Variants in PCSK5 observed in about 807,000 individuals in gnomAD.
The protein encoded by PCSK5 is prohormone convertase 5.
Under a neutral mutation model 233.2 loss-of-function variants are expected in PCSK5, and 129 were observed. That is an observed-to-expected ratio of 0.55 (90% CI 0.48 to 0.64). PCSK5 has a LOEUF of 0.64. PCSK5 is among the 30% of genes least tolerant of loss of function. The pLI, the probability that PCSK5 is intolerant of heterozygous loss-of-function variation, is 0.00. For synonymous variants in PCSK5, 825 were observed against 879.2 expected (o/e 0.94, Z 1.09); for missense variants, 2,076 against 2,430.1 (o/e 0.85, Z 3.06).
intron 3 of PCSK5, among the ~76,000 whole-genome samples, chr9:75,996,753 A>T (rs548809918): frequency 1.3e-5 from 2 of 151,988 alleles, no homozygotes; most frequent in East Asian, 3.9e-4. Flanking sequence ...AAGAGTAAAA[A>T]ATGTGTGAGT....
At chr9:76,295,148 C>T (rs1828396890) in intron 25 of PCSK5, 127 bp from the exon 26 acceptor site, 1 of 806,918 alleles carries the variant, frequency 1.2e-6, no homozygotes, top group Non-Finnish European at 1.9e-6. Context: ...AGCAAAACTC[C>T]ATCTCAAACA....
At chr9:76,151,121 T>C (rs1258475274) in intron 10 of PCSK5, among the ~76,000 whole-genome samples, 1 of 152,032 alleles carries the variant, frequency 6.6e-6, no homozygotes, top group Non-Finnish European at 1.5e-5. Flanking sequence ...TCCTGCACAT[T>C]TGGCCTGGTT....
At chr9:76,073,124 G>T (rs1047133415) in intron 7 of PCSK5, among the ~76,000 whole-genome samples, 1 of 152,184 alleles carries the variant, frequency 6.6e-6, no homozygotes, top group African/African-American at 2.4e-5. Context: ...CAAATGATGC[G>T]AACCACAGGG....
intron 8 of PCSK5, among the ~76,000 whole-genome samples, chr9:76,103,817 G>A (rs1221823699): frequency 6.6e-6 from 1 of 152,182 alleles, no homozygotes; most frequent in African/African-American, 2.4e-5. Context: ...AGCAATCTGA[G>A]AAGTTCTTTG....
chr9:75,974,578 G>A (rs1344841755), intron 2 of PCSK5, among the ~76,000 whole-genome samples: 1 of 152,172 alleles, frequency 6.6e-6, no homozygotes, highest in Non-Finnish European at 1.5e-5. Flanking sequence ...TGGTGTTTAA[G>A]AGCTGCCACA....
intron 24 of PCSK5, among the ~76,000 whole-genome samples, chr9:76,262,222 A>G (rs908914110): frequency 1.3e-4 from 20 of 152,146 alleles, no homozygotes; most frequent in Non-Finnish European, 2.5e-4. Flanking sequence ...TATAGATTCA[A>G]TGCCATCCCC....
chr9:75,900,958 C>CA (rs1337219803), intron 1 of PCSK5, among the ~76,000 whole-genome samples: 1 of 151,924 alleles, frequency 6.6e-6, no homozygotes, highest in African/African-American at 2.4e-5. Flanking sequence ...ACACAGTGAG[C>CA]ACGTGGGCAG....
intron 5 of PCSK5, among the ~76,000 whole-genome samples, chr9:76,057,952 T>C (rs138246771): frequency 1.1e-3 from 158 of 147,650 alleles, no homozygotes; most frequent in African/African-American, 3.8e-3. Context: ...TCCTCCAGCC[T>C]CAGCCTTCTG....
Position 76,338,233 on chromosome 9 carries a change from T to G in PCSK5, c.4752T>G (p.Tyr1584Ter). The part of the protein sequence containing the change: ...KECLLQCREG[Y>*]YADNSTGRCE... ...TTTTCTTCTCCTTTGGTTTCAGATA[T>G]TACGCAGACAACTCCACTGGCCGGT... Residue 1584 changes from tyrosine (Y) to a stop codon, truncating the protein, a stop_gained, in exon 35 of 38, where the codon TAT becomes TAG. Coordinates refer to ENST00000674117, the MANE Select transcript of PCSK5 (RefSeq NM_001372043.1). LOFTEE classifies it high-confidence loss of function. 1 of 1,610,112 alleles carries G rather than the reference T, an allele frequency of 6.2e-7. No individual in the cohort carries two copies. Among genetic ancestry groups the G allele is most frequent in the Non-Finnish European group, 8.5e-7 (1 of 1,178,246 alleles).
At chr9:76,198,913 C>T (rs572409405) in intron 20 of PCSK5, among the ~76,000 whole-genome samples, 1 of 152,284 alleles carries the variant, frequency 6.6e-6, no homozygotes, top group East Asian at 1.9e-4. Context: ...GTTCCATGCC[C>T]TTGCACTACA....
In PCSK5 at chr9:76,233,461, AT is replaced by A. The variant is rs768410674; in HGVS notation, c.2736del (p.Phe912LeufsTer94). 1 of 1,612,698 alleles carries A rather than the reference AT, an allele frequency of 6.2e-7. No individual in the cohort carries two copies. Among genetic ancestry groups the A allele is most frequent in the African/African-American group, 1.3e-5 (1 of 75,034 alleles). On this transcript the variant is annotated frameshift_variant and splice_region_variant, in exon 22 of 38. Coordinates refer to ENST00000674117, the MANE Select transcript of PCSK5 (RefSeq NM_001372043.1). LOFTEE classifies it high-confidence loss of function. ...TCTAAAAGTCTGCTTTTCCTCTAGG[AT>A]TTTTGATGATGGCCGCTGTGTTTCG... ...EDCTTCPMTR[I>X]FDDGRCVSNC...
chr9:76,193,083 G>A (rs986346062), intron 20 of PCSK5, among the ~76,000 whole-genome samples: 1 of 151,282 alleles, frequency 6.6e-6, no homozygotes, highest in African/African-American at 2.4e-5. Context: ...AATCACTTTG[G>A]GTGGACCAAA....
At chr9:76,048,741 C>T (rs77721520) in intron 5 of PCSK5, among the ~76,000 whole-genome samples, 5,178 of 152,236 alleles carry the variant, frequency 0.034, 115 homozygotes, top group Middle Eastern at 0.085. Context: ...AACTGCCTGA[C>T]AAGTAAAAGA....
Position 76,273,755 on chromosome 9 carries a change from C to T in PCSK5, c.3143-18478C>T, listed in dbSNP as rs551885305. Among the ~76,000 whole-genome samples, 36 of 151,196 alleles carry T rather than the reference C, an allele frequency of 2.4e-4. No individual in the cohort carries two copies. In the South Asian group the frequency reaches 7.1e-3, roughly 30 times the overall value. Reference sequence around the variant, plus strand: ...TCTAGAGATCCTCTTGCCTCAGTCCCCCAAGTAGCTGGGATTACAGGTGCA... The same window carrying T: ...TCTAGAGATCCTCTTGCCTCAGTCCTCCAAGTAGCTGGGATTACAGGTGCA... On this transcript the variant is annotated intron_variant, in intron 24 of 37. Transcript: ENST00000674117.
At chr9:76,014,698 T>C (rs1827871630) in intron 3 of PCSK5, among the ~76,000 whole-genome samples, 2 of 152,126 alleles carry the variant, frequency 1.3e-5, no homozygotes, top group South Asian at 4.2e-4. Context: ...GCCAGGAGGA[T>C]TGAACTTTGG....
chr9:76,242,564 A>G (rs915874824), intron 24 of PCSK5, among the ~76,000 whole-genome samples: 6 of 152,242 alleles, frequency 3.9e-5, no homozygotes, highest in Admixed American at 1.3e-4. Context: ...CATAAATAAT[A>G]AAAGTACTGA....
At chr9:76,040,591 C>A (rs72735312) in intron 5 of PCSK5, among the ~76,000 whole-genome samples, 1 of 152,098 alleles carries the variant, frequency 6.6e-6, no homozygotes, top group Non-Finnish European at 1.5e-5. Context: ...ACCAGTGCCC[C>A]CTTTTTGCAG....
At chr9:76,039,430 A>T (rs1829002377) in intron 5 of PCSK5, among the ~76,000 whole-genome samples, 1 of 152,242 alleles carries the variant, frequency 6.6e-6, no homozygotes, top group South Asian at 2.1e-4. Context: ...TAAAAAATTT[A>T]TAGGTTTCTC....
At chr9:76,082,742 T>G (rs1472290827) in intron 7 of PCSK5, among the ~76,000 whole-genome samples, 1 of 151,962 alleles carries the variant, frequency 6.6e-6, no homozygotes, top group Admixed American at 6.6e-5. Context: ...ATACACTTGT[T>G]GCAATCGATA....
Sources: allele counts gnomAD v4.1 joint callset (sites outside exome capture counted in the v4.1 genomes callset), GRCh38; gene constraint gnomAD v4.1.1; transcripts MANE v1.5; gene names NCBI Gene and HGNC (gene_info 2026-07-23, HGNC 2026-07-21).